RGS6: variants seen among roughly 807,000 people sequenced by gnomAD.
RGS6 encodes regulator of G-protein signaling 6.
In RGS6, 30 loss-of-function variants were observed where a neutral mutation model predicts 78.5. The observed-to-expected ratio is 0.38, with a 90% CI of 0.29 to 0.52. The LOEUF is 0.52. Ranked by LOEUF, RGS6 falls within the 20% of genes least tolerant of loss-of-function variation. RGS6 has a pLI of 0.85. For synonymous variants in RGS6, 206 were observed against 206.0 expected, an observed-to-expected ratio of 1.00 and a Z score of 0.00; for missense variants, 495 against 609.7, an observed-to-expected ratio of 0.81 and a Z score of 1.98.
rs751037764 is a variant in RGS6, at chr14:72,458,361, C to G, written c.326C>G (p.Thr109Ser). The change falls in exon 5 of 18, where the codon ACC becomes AGC. Residue 109 changes from threonine to serine, a missense_variant. Transcript: ENST00000553525. ...DHVLTMKDDGTFYRFQAPYFW... is the reference protein window; with the variant it reads ...DHVLTMKDDGSFYRFQAPYFW... ...GTTCTCACCATGAAGGATGATGGCA[C>G]CTTTTATCGTTTCCAGGTAAGCCTG... 3 of 1,613,962 alleles carry G rather than the reference C, an allele frequency of 1.9e-6. No homozygotes were observed. The highest frequency in any genetic ancestry group is 2.5e-6 in the Non-Finnish European group (3 of 1,179,828).
chr14:72,485,424 G>A (rs888725531), intron 12 of RGS6, among the ~76,000 whole-genome samples: 2 of 152,154 alleles, frequency 1.3e-5, no homozygotes, highest in Non-Finnish European at 2.9e-5. Context: ...GGACTGAAAT[G>A]GTACTGTGCG....
chr14:72,414,154 T>G (rs1304841196), intron 3 of RGS6, among the ~76,000 whole-genome samples: 1 of 152,266 alleles, frequency 6.6e-6, no homozygotes, highest in African/African-American at 2.4e-5. Context: ...GATAATATCC[T>G]GCAGAGTGTT....
At chr14:72,579,012 G>A in the RGS6 span, among the ~76,000 whole-genome samples, 1 of 152,156 alleles carries the variant, frequency 6.6e-6, no homozygotes, top group Non-Finnish European at 1.5e-5. Flanking sequence ...ATCAACCTGT[G>A]TATCAACCGC....
chr14:71,999,637 G>A (rs1041750361), intron 2 of RGS6, among the ~76,000 whole-genome samples: 2 of 102,496 alleles, frequency 2.0e-5, no homozygotes, highest in African/African-American at 3.0e-5. Context: ...GAATGGTTTA[G>A]CACCGTCCCC....
intron 1 of RGS6, among the ~76,000 whole-genome samples, chr14:71,959,024 C>T (rs970234774): frequency 2.0e-5 from 3 of 152,156 alleles, no homozygotes; most frequent in Admixed American, 6.5e-5. Flanking sequence ...CTTCCAGTGC[C>T]ACCAAAATTG....
the RGS6 span, among the ~76,000 whole-genome samples, chr14:71,912,436 C>T: frequency 6.6e-6 from 1 of 152,128 alleles, no homozygotes; most frequent in Middle Eastern, 3.2e-3. Context: ...GCTGTAGAAT[C>T]TTATTACTTA....
intron 2 of RGS6, among the ~76,000 whole-genome samples, chr14:72,123,764 G>A (rs985414008): frequency 6.6e-6 from 1 of 152,180 alleles, no homozygotes; most frequent in Admixed American, 6.5e-5. Flanking sequence ...AGCACGTTAT[G>A]GAAAGCAAGA....
Position 72,565,653 on chromosome 14 carries a change from A to AG in RGS6, c.*3187dup, listed in dbSNP as rs1222590441. ...GCGACTCTGAGTTGCAGCTTGGACT[A>AG]GCTGAACACATGGGGACATGCTCCA... On this transcript the variant is annotated 3_prime_UTR_variant, in exon 18 of 18. Transcript: ENST00000553525. 6.6e-6 allele frequency: 1 copy of AG among 152,222 alleles called. No homozygotes were observed. The highest frequency in any genetic ancestry group is 1.9e-4 in the East Asian group (1 of 5,186). 9.4% of individuals were successfully genotyped at this position (152,222 alleles called of 1,614,324 possible).
intron 2 of RGS6, among the ~76,000 whole-genome samples, chr14:72,151,400 A>G (rs2096684458): frequency 6.6e-6 from 1 of 152,274 alleles, no homozygotes; most frequent in African/African-American, 2.4e-5. Context: ...TTTTGATGAA[A>G]AAACTTAATT....
intron 2 of RGS6, among the ~76,000 whole-genome samples, chr14:72,119,384 C>A (rs1462044575): frequency 6.6e-6 from 1 of 152,140 alleles, no homozygotes; most frequent in African/African-American, 2.4e-5. Flanking sequence ...AGACATTCAC[C>A]AATAGTTTTC....
At chr14:72,052,383 C>T (rs183671680) in intron 2 of RGS6, among the ~76,000 whole-genome samples, 3 of 152,174 alleles carry the variant, frequency 2.0e-5, no homozygotes, top group Non-Finnish European at 4.4e-5. Flanking sequence ...CTCATCCCCC[C>T]TCCCACTTTT....
chr14:71,972,346 T>TA (rs1486213291), intron 2 of RGS6, among the ~76,000 whole-genome samples: 1 of 150,976 alleles, frequency 6.6e-6, no homozygotes, highest in Non-Finnish European at 1.5e-5. Flanking sequence ...TTCTGAGTGT[T>TA]TTTTTTTTAT....
At chr14:72,502,587 A>G (rs1485740097) in intron 13 of RGS6, among the ~76,000 whole-genome samples, 1 of 152,210 alleles carries the variant, frequency 6.6e-6, no homozygotes. Flanking sequence ...AACATGGTGA[A>G]ACCCCGTCTC....
rs140418157 is a variant in RGS6, at chr14:72,475,559, G to A, written c.693+860G>A. Among the ~76,000 whole-genome samples the A allele has an allele frequency of 3.3e-3, 500 of 152,102 alleles. 5 individuals carry two copies. Among genetic ancestry groups the A allele is most frequent in the African/African-American group, 8.9e-3 (371 of 41,482 alleles). On this transcript the variant is annotated intron_variant, in intron 10 of 17. Transcript: ENST00000553525. ...AGCTTGACCAACATGGAGAAACCCC[G>A]TCTCTACTAAAAATACACAATTAGC... is the stretch of plus-strand genomic sequence containing the variant.
chr14:72,171,903 C>T (rs2097025473), intron 2 of RGS6, among the ~76,000 whole-genome samples: 1 of 152,180 alleles, frequency 6.6e-6, no homozygotes, highest in African/African-American at 2.4e-5. Context: ...AATTAAGTAA[C>T]TTGCCCAGCA....
chr14:72,144,309 CA>C (rs1437943731), intron 2 of RGS6, among the ~76,000 whole-genome samples: 3 of 152,082 alleles, frequency 2.0e-5, no homozygotes, highest in African/African-American at 7.2e-5. Context: ...TAATAACTGG[CA>C]AAAAAGCTAA....
intron 3 of RGS6, among the ~76,000 whole-genome samples, chr14:72,364,792 A>G (rs1029995145): frequency 3.3e-5 from 5 of 152,240 alleles, no homozygotes; most frequent in Non-Finnish European, 7.3e-5. Context: ...CAATGGCACG[A>G]TGATGACAGT....
At chr14:72,147,961 C>G (rs1178008491) in intron 2 of RGS6, among the ~76,000 whole-genome samples, 1 of 152,038 alleles carries the variant, frequency 6.6e-6, no homozygotes, top group Non-Finnish European at 1.5e-5. Flanking sequence ...GAAACCCCAT[C>G]TCTACTAAAA....
chr14:72,220,397 T>C (rs1287660654), intron 2 of RGS6, among the ~76,000 whole-genome samples: 3 of 152,224 alleles, frequency 2.0e-5, no homozygotes, highest in Admixed American at 1.3e-4. Flanking sequence ...AAGTAGATTA[T>C]GATTTTGCAA....
Sources: allele counts gnomAD v4.1 joint callset (sites outside exome capture counted in the v4.1 genomes callset), GRCh38; gene constraint gnomAD v4.1.1; transcripts MANE v1.5; gene names NCBI Gene and HGNC (gene_info 2026-07-23, HGNC 2026-07-21).